Variants in OSBPL9 observed in about 807,000 individuals in gnomAD.
OSBPL9 encodes oxysterol-binding protein-related protein 9.
OSBPL9 carries 40 observed loss-of-function variants against 106.6 expected under a neutral mutation model. That is an observed-to-expected ratio of 0.38 (90% CI 0.29 to 0.49). The LOEUF (loss-of-function observed/expected upper bound fraction) is 0.49. Ranked by LOEUF, OSBPL9 falls within the 20% of genes least tolerant of loss-of-function variation. OSBPL9 has a pLI of 0.97. For missense variants in OSBPL9, 609 were observed against 887.2 expected (o/e 0.69, Z 3.98); for synonymous variants, 269 against 295.4 (o/e 0.91, Z 0.92).
At chr1:51,681,067 A>G (rs144127460) in intron 3 of OSBPL9, among the ~76,000 whole-genome samples, 32 of 152,276 alleles carry the variant, frequency 2.1e-4, no homozygotes, top group African/African-American at 7.5e-4. Flanking sequence ...TTTTGAAAGT[A>G]AAAGGAAACA....
intron 15 of OSBPL9, among the ~76,000 whole-genome samples, chr1:51,778,369 G>A (rs2149130388): frequency 6.6e-6 from 1 of 152,078 alleles, no homozygotes; most frequent in Non-Finnish European, 1.5e-5. Context: ...TAAAAAAGCA[G>A]GATTTATCTA....
chr1:51,528,550 A>G, the OSBPL9 span, among the ~76,000 whole-genome samples: 2 of 151,736 alleles, frequency 1.3e-5, no homozygotes, highest in East Asian at 3.9e-4. Flanking sequence ...TCTCGGGGAA[A>G]AAAAAAACAA....
chr1:51,713,900 A>T, intron 3 of OSBPL9, 103 bp from the exon 4 acceptor site: 1 of 926,980 alleles, frequency 1.1e-6, no homozygotes, highest in East Asian at 2.7e-5. Context: ...TACAACTAAA[A>T]ACCTTTTCTG....
At position 51,777,627 on chromosome 1, in the gene OSBPL9, A is replaced by AAT. The variant is rs201453832; in HGVS notation, c.1256+716_1256+717dup. Among the ~76,000 whole-genome samples the AAT allele has an allele frequency of 6.7e-3, 989 of 146,596 alleles. 7 individuals are homozygous for AAT. Among genetic ancestry groups the AAT allele is most frequent in the Non-Finnish European group, 0.011 (758 of 66,870 alleles). ...GTGGATACATTGGCTGACATTGATA[A>AAT]ATATATATTTTTTTTTTCTTGATGA... On this transcript the variant is annotated intron_variant, in intron 15 of 23. Transcript: ENST00000428468.
At chr1:51,625,912 G>T (rs531528949) in intron 1 of OSBPL9, among the ~76,000 whole-genome samples, 3 of 152,174 alleles carry the variant, frequency 2.0e-5, no homozygotes, top group Non-Finnish European at 4.4e-5. Flanking sequence ...TTCAAGGAAA[G>T]TATTTCCAGG....
chr1:51,537,476 T>C, the OSBPL9 span, among the ~76,000 whole-genome samples: 1 of 152,200 alleles, frequency 6.6e-6, no homozygotes, highest in East Asian at 1.9e-4. Flanking sequence ...CTCATTCCTA[T>C]TGGAGTGTAA....
the OSBPL9 span, among the ~76,000 whole-genome samples, chr1:51,529,676 T>C: frequency 5.4e-4 from 82 of 151,810 alleles, no homozygotes; most frequent in South Asian, 4.2e-4. Flanking sequence ...ATGAAGATAA[T>C]TCAATGGCGG....
At position 51,729,745 on chromosome 1, in the gene OSBPL9, A is replaced by G; in HGVS notation, c.318+15666A>G. 1 of 1,089,182 alleles carries G rather than the reference A, an allele frequency of 9.2e-7. No homozygotes were observed. The allele number at this position is 1,089,182 out of a possible 1,614,324, so 67.5% of individuals were successfully genotyped here. ...GCCAATCGCCAGGGGTCTCTTTGCCAGGAGCCGCCAGGGCCAGCCAATCGG... is the reference window on the plus strand; with the variant it reads ...GCCAATCGCCAGGGGTCTCTTTGCCGGGAGCCGCCAGGGCCAGCCAATCGG... On this transcript the variant is annotated intron_variant, in intron 4 of 23. Coordinates refer to ENST00000428468, the MANE Select transcript of OSBPL9 (RefSeq NM_024586.6). The surrounding 1 kb of genome is among the most constrained non-coding windows in gnomAD (Gnocchi z 5.1).
At chr1:51,528,737 G>C in the OSBPL9 span, among the ~76,000 whole-genome samples, 4,817 of 152,088 alleles carry the variant, frequency 0.032, 123 homozygotes, top group Non-Finnish European at 0.05. Flanking sequence ...GCCAGGCATG[G>C]TGGAGTACAC....
chr1:51,563,972 C>T, the OSBPL9 span, among the ~76,000 whole-genome samples: 1 of 131,476 alleles, frequency 7.6e-6, no homozygotes, highest in Non-Finnish European at 1.6e-5. Context: ...GTGGGAGGAT[C>T]TGAGCCCAGG....
chr1:51,752,663 G>A, intron 8 of OSBPL9: 3 of 414,398 alleles, frequency 7.2e-6, no homozygotes, highest in Non-Finnish European at 9.6e-6. Context: ...GGCCTGTTCA[G>A]TTTCTGATGA....
At chr1:51,527,251 A>G in the OSBPL9 span, among the ~76,000 whole-genome samples, 2 of 152,156 alleles carry the variant, frequency 1.3e-5, no homozygotes, top group African/African-American at 4.8e-5. Context: ...TAAATAGACA[A>G]TGATTATAAA....
intron 9 of OSBPL9, chr1:51,756,562 G>A: frequency 5.5e-6 from 3 of 549,900 alleles, no homozygotes; most frequent in Admixed American, 6.2e-5. Context: ...TTTTCTAAGT[G>A]TGGGTTCAGA....
At chr1:51,527,330 G>GTGGTGATGA in the OSBPL9 span, among the ~76,000 whole-genome samples, 7 of 110,226 alleles carry the variant, frequency 6.4e-5, no homozygotes, top group Non-Finnish European at 9.1e-5. Flanking sequence ...AATGATGATG[G>GTGGTGATGA]TGATGATGAT....
rs142648997 is a variant in OSBPL9 at position 51,777,821 on chromosome 1, A to G, written c.1256+903A>G. On this transcript the variant is annotated intron_variant, in intron 15 of 23. Coordinates refer to ENST00000428468, the MANE Select transcript of OSBPL9 (RefSeq NM_024586.6). ...GGGTATAGATTTGAGATTTAAGGGTAGTTTTTATGTGTGAGAATTTAAACT... is the reference window on the plus strand; with the variant it reads ...GGGTATAGATTTGAGATTTAAGGGTGGTTTTTATGTGTGAGAATTTAAACT... 3.1e-4 allele frequency among the ~76,000 whole-genome samples: 47 copies of G among 152,282 alleles called. No homozygotes were observed. The East Asian group carries it at 5.0e-3, about 16-fold the overall frequency.
At chr1:51,670,778 T>A (rs894797619) in intron 3 of OSBPL9, among the ~76,000 whole-genome samples, 1 of 152,168 alleles carries the variant, frequency 6.6e-6, no homozygotes, top group Non-Finnish European at 1.5e-5. Flanking sequence ...AAGCCCAGAG[T>A]TTTTATTTTT....
At chr1:51,692,941 C>G (rs1023880927) in intron 3 of OSBPL9, among the ~76,000 whole-genome samples, 1 of 152,004 alleles carries the variant, frequency 6.6e-6, no homozygotes, top group Admixed American at 6.6e-5. Context: ...TGAGAATGCT[C>G]GGTTAGGGGG....
chr1:51,544,236 C>T, the OSBPL9 span, among the ~76,000 whole-genome samples: 16,209 of 152,210 alleles, frequency 0.11, 1,213 homozygotes, highest in Non-Finnish European at 0.15. Flanking sequence ...TGGCACACAC[C>T]TGTAACCCCA....
intron 3 of OSBPL9, among the ~76,000 whole-genome samples, chr1:51,702,046 G>A (rs1272235355): frequency 8.5e-5 from 13 of 152,172 alleles, no homozygotes; most frequent in East Asian, 5.8e-4. Context: ...CCAGTCTATC[G>A]TTGTTGGACA....
Sources: allele counts gnomAD v4.1 joint callset (sites outside exome capture counted in the v4.1 genomes callset), GRCh38; gene constraint gnomAD v4.1.1; non-coding constraint Gnocchi (gnomAD v3.1); transcripts MANE v1.5; gene names NCBI Gene and HGNC (gene_info 2026-07-23, HGNC 2026-07-21).